Variants in MAPK10 observed in about 807,000 individuals in gnomAD.
MAPK10 encodes the protein JNK3 alpha protein kinase.
A neutral mutation model predicts 59.3 loss-of-function variants in MAPK10; 25 were observed. That is an observed-to-expected ratio of 0.42 (90% confidence interval 0.31 to 0.59). The LOEUF is 0.59. MAPK10 is among the 20% of genes least tolerant of loss of function. The pLI, the probability that MAPK10 is intolerant of heterozygous loss-of-function variation, is 0.15. For synonymous variants in MAPK10, 190 were observed against 200.5 expected (o/e 0.95, Z 0.44); for missense variants, 351 against 568.9 (o/e 0.62, Z 3.90).
At chr4:86,574,799 G>A (rs899821728) in intron 1 of MAPK10, among the ~76,000 whole-genome samples, 1 of 152,048 alleles carries the variant, frequency 6.6e-6, no homozygotes, top group African/African-American at 2.4e-5. Context: ...TACACCATCT[G>A]AGAATGCTGA....
rs143198673 is a variant in MAPK10, at chr4:86,279,122, T to A, written c.-7+75408A>T. Among the ~76,000 whole-genome samples, 199 of 152,310 alleles carry A rather than the reference T, an allele frequency of 1.3e-3. 2 individuals carry two copies. Among genetic ancestry groups the A allele is most frequent in the Admixed American group, 4.1e-3 (63 of 15,284 alleles). The stretch of plus-strand genomic sequence containing the variant: ...CCATGTATGGGAACTGTTCATATTA[T>A]CTTTGTAAATTTTATGTAAGTCTAA... On this transcript the variant is annotated intron_variant, in intron 2 of 13. Coordinates refer to ENST00000641462, the MANE Select transcript of MAPK10 (RefSeq NM_138982.4).
chr4:86,527,795 T>C (rs1187620666), intron 1 of MAPK10, among the ~76,000 whole-genome samples: 2 of 151,988 alleles, frequency 1.3e-5, no homozygotes, highest in African/African-American at 2.4e-5. Flanking sequence ...ATAAAGAAAA[T>C]ATACACCATG....
At chr4:86,330,788 C>T (rs1469929788) in intron 2 of MAPK10, among the ~76,000 whole-genome samples, 1 of 152,120 alleles carries the variant, frequency 6.6e-6, no homozygotes, top group Admixed American at 6.6e-5. Context: ...ATACAAGAGA[C>T]CACTGCTGTT....
At chr4:86,318,065 G>T (rs997304357) in intron 2 of MAPK10, among the ~76,000 whole-genome samples, 1 of 152,030 alleles carries the variant, frequency 6.6e-6, no homozygotes. Context: ...TTCTCATAAG[G>T]ACACCAATTA....
intron 1 of MAPK10, among the ~76,000 whole-genome samples, chr4:86,401,307 G>A (rs1333531851): frequency 6.6e-6 from 1 of 152,110 alleles, no homozygotes; most frequent in African/African-American, 2.4e-5. Flanking sequence ...TACAAATGAT[G>A]TGGTATACAA....
intron 2 of MAPK10, among the ~76,000 whole-genome samples, chr4:86,208,179 A>T (rs918172482): frequency 9.9e-5 from 15 of 152,086 alleles, no homozygotes; most frequent in Non-Finnish European, 2.1e-4. Context: ...AATTGGTACC[A>T]TTCCTTCTGA....
intron 2 of MAPK10, among the ~76,000 whole-genome samples, chr4:86,261,963 C>T (rs1385318700): frequency 6.6e-6 from 1 of 152,208 alleles, no homozygotes; most frequent in Non-Finnish European, 1.5e-5. Context: ...GGTTCTTGTC[C>T]CATATGCTTC....
At chr4:86,038,625 G>C (rs751980147) in intron 11 of MAPK10, among the ~76,000 whole-genome samples, 6 of 151,494 alleles carry the variant, frequency 4.0e-5, no homozygotes, top group Admixed American at 1.3e-4. Context: ...TAAAAATTTT[G>C]GTAAAATGAC....
At chr4:86,096,380 A>G (rs1420892743) in intron 9 of MAPK10, among the ~76,000 whole-genome samples, 1 of 151,940 alleles carries the variant, frequency 6.6e-6, no homozygotes, top group Non-Finnish European at 1.5e-5. Context: ...CTGAAGGGTT[A>G]GATTGAGTTT....
chr4:86,264,517 G>A (rs1185113439), intron 2 of MAPK10, among the ~76,000 whole-genome samples: 1 of 152,142 alleles, frequency 6.6e-6, no homozygotes, highest in Non-Finnish European at 1.5e-5. Flanking sequence ...AATTTGTAAG[G>A]CTGCCAGAAA....
At chr4:86,579,381 T>C (rs1208209898) in intron 1 of MAPK10, among the ~76,000 whole-genome samples, 1 of 152,196 alleles carries the variant, frequency 6.6e-6, no homozygotes, top group African/African-American at 2.4e-5. Context: ...GATATCAGCA[T>C]ACAGTAAGAA....
chr4:86,284,270 T>C (rs2094922329), intron 2 of MAPK10, among the ~76,000 whole-genome samples: 1 of 152,292 alleles, frequency 6.6e-6, no homozygotes, highest in South Asian at 2.1e-4. Context: ...AACACAAAGC[T>C]GTGGTAGAGG....
chr4:86,313,545 T>C (rs1017784812), intron 2 of MAPK10, among the ~76,000 whole-genome samples: 3 of 152,042 alleles, frequency 2.0e-5, no homozygotes, highest in African/African-American at 7.2e-5. Context: ...TTTTTAAAAG[T>C]GGGCAAGAGA....
intron 3 of MAPK10, chr4:86,192,455 A>C (rs2080161883): frequency 6.6e-6 from 1 of 152,140 alleles, no homozygotes; most frequent in Admixed American, 6.5e-5. Context: ...TATTTCTTGG[A>C]GGCTTTGTTC....
chr4:86,154,235 T>C (rs1254799512), intron 4 of MAPK10, among the ~76,000 whole-genome samples: 2 of 152,138 alleles, frequency 1.3e-5, no homozygotes, highest in Admixed American at 1.3e-4. Context: ...AACCATAAGA[T>C]GCTCCCATCC....
chr4:86,553,033 G>A (rs1158730648), intron 1 of MAPK10, among the ~76,000 whole-genome samples: 8 of 152,036 alleles, frequency 5.3e-5, no homozygotes, highest in Non-Finnish European at 7.4e-5. Context: ...GTCTTCTGCC[G>A]GCATCCATAA....
rs183652753 is a variant in MAPK10, at chr4:86,393,824, G to A, written c.-121-39180C>T. On this transcript the variant is annotated intron_variant, in intron 1 of 13. Coordinates refer to the MAPK10 transcript ENST00000361569. The stretch of plus-strand genomic sequence containing the variant: ...GAAGTTCCACAGTAACTCTCTCCCT[G>A]ACCTTGAGTGTCTTCTTCACCTTCT... 7.7e-4 allele frequency among the ~76,000 whole-genome samples: 118 copies of A among 152,268 alleles called. 1 individual carries two copies. Among genetic ancestry groups the A allele is most frequent in the Middle Eastern group, 3.4e-3 (1 of 294 alleles).
At chr4:86,031,160 C>A (rs2148917701) in intron 12 of MAPK10, among the ~76,000 whole-genome samples, 1 of 152,196 alleles carries the variant, frequency 6.6e-6, no homozygotes, top group Admixed American at 6.5e-5. Context: ...TAAAAGGTAT[C>A]AATGGTAAAT....
intron 2 of MAPK10, among the ~76,000 whole-genome samples, chr4:86,279,229 T>A (rs936394047): frequency 6.6e-6 from 1 of 152,176 alleles, no homozygotes; most frequent in Non-Finnish European, 1.5e-5. Context: ...TTTATCATTA[T>A]ACAAAACACA....
Sources: allele counts gnomAD v4.1 joint callset (sites outside exome capture counted in the v4.1 genomes callset), GRCh38; gene constraint gnomAD v4.1.1; transcripts MANE v1.5; gene names NCBI Gene and HGNC (gene_info 2026-07-23, HGNC 2026-07-21).